Variants in RABGEF1 observed in about 807,000 individuals in gnomAD.
The protein encoded by RABGEF1 is rab5 GDP/GTP exchange factor.
In RABGEF1, 26 loss-of-function variants were observed where a neutral mutation model predicts 57.3. That is an observed-to-expected ratio of 0.45 (90% CI 0.33 to 0.63). The LOEUF is 0.63. RABGEF1 is among the 20% of genes least tolerant of loss of function. The pLI is 0.02. For missense variants in RABGEF1, 464 were observed against 607.6 expected (o/e 0.76, Z 2.48); for synonymous variants, 185 against 210.7 (o/e 0.88, Z 1.06).
chr7:66,798,138 A>T (rs1446136684), intron 6 of RABGEF1, among the ~76,000 whole-genome samples: 2 of 152,124 alleles, frequency 1.3e-5, no homozygotes, highest in African/African-American at 4.8e-5. Context: ...AAGTCAGTAG[A>T]TGTCCTCTTT....
intron 7 of RABGEF1, among the ~76,000 whole-genome samples, chr7:66,803,836 C>G (rs1787832857): frequency 6.6e-6 from 1 of 151,438 alleles, no homozygotes; most frequent in Admixed American, 6.6e-5. Flanking sequence ...TTGCAGTGAG[C>G]CGAGATCGTG....
the RABGEF1 span, among the ~76,000 whole-genome samples, chr7:66,673,396 A>G: frequency 6.6e-6 from 1 of 152,096 alleles, no homozygotes; most frequent in East Asian, 1.9e-4. Context: ...AAGCTGGACC[A>G]TCGTGGATGT....
intron 7 of RABGEF1, among the ~76,000 whole-genome samples, chr7:66,803,973 TC>T: frequency 6.6e-6 from 1 of 152,056 alleles, no homozygotes; most frequent in Non-Finnish European, 1.5e-5. Context: ...CCTTGCTTGA[TC>T]CCCTCTGCCA....
chr7:66,737,106 G>A (rs1333581052), upstream of RABGEF1, among the ~76,000 whole-genome samples: 2 of 151,816 alleles, frequency 1.3e-5, no homozygotes, highest in African/African-American at 4.8e-5. Flanking sequence ...GAGAGAGAGA[G>A]AGAGAGAGAG....
chr7:66,734,735 A>G (rs1362854675), intron 2 of RABGEF1, among the ~76,000 whole-genome samples: 2 of 151,698 alleles, frequency 1.3e-5, no homozygotes, highest in Non-Finnish European at 2.9e-5. Context: ...GCCTGGCCCC[A>G]AAGGAGCACT....
At chr7:66,740,925 C>G (rs1409172508) in intron 1 of RABGEF1, 133 bp downstream of exon 1, 3 of 152,192 alleles carry the variant, frequency 2.0e-5, no homozygotes, top group Non-Finnish European at 4.4e-5. Flanking sequence ...AGTTGCGCGT[C>G]GGTGCCTCCC....
chr7:66,675,124 A>G, the RABGEF1 span, among the ~76,000 whole-genome samples: 2 of 152,262 alleles, frequency 1.3e-5, no homozygotes, highest in South Asian at 2.1e-4. Context: ...TCCCTAATAC[A>G]TTATGAGGTT....
At chr7:66,657,780 C>T in the RABGEF1 span, among the ~76,000 whole-genome samples, 1 of 152,056 alleles carries the variant, frequency 6.6e-6, no homozygotes, top group Non-Finnish European at 1.5e-5. Context: ...GAGATAGCAC[C>T]ACTGCATTCC....
At chr7:66,798,855 G>C (rs1304315070) in intron 6 of RABGEF1, among the ~76,000 whole-genome samples, 1 of 152,162 alleles carries the variant, frequency 6.6e-6, no homozygotes, top group Non-Finnish European at 1.5e-5. Flanking sequence ...CCGGCTGCTT[G>C]GGAGCCTGAG....
upstream of RABGEF1, among the ~76,000 whole-genome samples, chr7:66,739,513 T>C (rs754306775): frequency 6.6e-6 from 1 of 150,648 alleles, no homozygotes; most frequent in Non-Finnish European, 1.5e-5. Flanking sequence ...AAAAAAAATA[T>C]GAGCTGGGCG....
At chr7:66,803,863 G>A (rs372356736) in intron 7 of RABGEF1, among the ~76,000 whole-genome samples, 1 of 151,350 alleles carries the variant, frequency 6.6e-6, no homozygotes, top group East Asian at 1.9e-4. Context: ...TACTCTAGCC[G>A]GGGCAACAGA....
Position 66,810,030 on chromosome 7 carries a change from A to T in RABGEF1, c.*746A>T, listed in dbSNP as rs1789237744. 1 of 152,214 alleles carries T rather than the reference A, an allele frequency of 6.6e-6. No individual in the cohort carries two copies. Among genetic ancestry groups the T allele is most frequent in the Non-Finnish European group, 1.5e-5 (1 of 68,042 alleles). The allele number at this position is 152,214 out of a possible 1,614,324, so 9.4% of individuals were successfully genotyped here. ...TAATGTAGTCGATGGAAGACTTTAAACTATGCTTCTAGCTTATTTTTCCCT... is the reference window on the plus strand; with the variant it reads ...TAATGTAGTCGATGGAAGACTTTAATCTATGCTTCTAGCTTATTTTTCCCT... On this transcript the variant is annotated 3_prime_UTR_variant, in exon 9 of 9. Coordinates refer to ENST00000284957, the MANE Select transcript of RABGEF1 (RefSeq NM_014504.3).
intron 5 of RABGEF1, 78 bp from the exon 6 acceptor site, chr7:66,797,296 T>C: frequency 7.5e-7 from 1 of 1,329,682 alleles, no homozygotes; most frequent in Non-Finnish European, 9.9e-7. Flanking sequence ...AGAGCCAGAC[T>C]CTTTGTTTGC....
At chr7:66,757,907 G>A (rs879302028) in intron 1 of RABGEF1, among the ~76,000 whole-genome samples, 17 of 151,972 alleles carry the variant, frequency 1.1e-4, no homozygotes, top group Non-Finnish European at 2.4e-4. Flanking sequence ...CACTGCGCCC[G>A]GCCGACCAAA....
At chr7:66,781,677 C>T (rs990406097) in intron 3 of RABGEF1, among the ~76,000 whole-genome samples, 4 of 152,234 alleles carry the variant, frequency 2.6e-5, no homozygotes, top group African/African-American at 7.2e-5. Flanking sequence ...TAGTCAGCCA[C>T]ACTCAAGGGA....
intron 4 of RABGEF1, among the ~76,000 whole-genome samples, chr7:66,788,536 C>G (rs1811786236): frequency 6.6e-6 from 1 of 151,692 alleles, no homozygotes; most frequent in Non-Finnish European, 1.5e-5. Flanking sequence ...TGTATTAGTC[C>G]CTTAATACTC....
intron 1 of RABGEF1, among the ~76,000 whole-genome samples, chr7:66,695,830 G>T (rs977026682): frequency 6.6e-6 from 1 of 152,022 alleles, no homozygotes; most frequent in Non-Finnish European, 1.5e-5. Flanking sequence ...CAGGGGTGTG[G>T]TAGCGAACGC....
In RABGEF1 at chr7:66,771,930, C is replaced by T; in HGVS notation, c.31C>T (p.His11Tyr). The change falls in exon 2 of 9, where the codon CAT becomes TAT. Residue 11 changes from histidine (H) to tyrosine (Y), a missense_variant. His to Tyr is a moderately conservative substitution (Grantham distance 83). This residue lies in a region of RABGEF1 where 17 missense variants were observed against 19.4 expected (regional missense o/e 0.88). Transcript: ENST00000284957. MSLKSERRGI[H>Y]VDQSDLLCKK... ...CCTTAAGTCTGAACGCCGAGGAATT[C>T]ATGTGGATCAATCGGATCTCCTGTG... 1.3e-6 allele frequency: 2 copies of T among 1,568,362 alleles called. No individual in the cohort carries two copies. Among genetic ancestry groups the T allele is most frequent in the Non-Finnish European group, 1.7e-6 (2 of 1,157,368 alleles).
rs1789246314 is a variant in RABGEF1 at position 66,810,069 on chromosome 7, A to T, written c.*785A>T. On this transcript the variant is annotated 3_prime_UTR_variant, in exon 9 of 9. Coordinates refer to ENST00000284957, the MANE Select transcript of RABGEF1 (RefSeq NM_014504.3). Reference sequence around the variant, plus strand: ...TTATTTTTCCCTCATTCATTCAGCAAATCTCTATTGAGTTCTTCAGTGAGA... The same window carrying T: ...TTATTTTTCCCTCATTCATTCAGCATATCTCTATTGAGTTCTTCAGTGAGA... The T allele has an allele frequency of 6.6e-6, 1 of 152,186 alleles. No individual in the cohort carries two copies. The highest frequency in any genetic ancestry group is 2.4e-5 in the African/African-American group (1 of 41,444). 9.4% of individuals were successfully genotyped at this position (152,186 alleles called of 1,614,324 possible). A position where few individuals can be genotyped will look rare whatever the true frequency, so the allele number is the denominator to read the frequency against.
Sources: gnomAD v4.1 joint callset for allele counts (sites outside exome capture counted in the v4.1 genomes callset) on GRCh38, gnomAD v4.1.1 for gene constraint, gnomAD v4.1.1 regional missense constraint, MANE v1.5 for transcripts, NCBI Gene and HGNC (gene_info 2026-07-23, HGNC 2026-07-21) for gene names.